CFAP77: variants seen among roughly 807,000 people sequenced by gnomAD.
CFAP77 encodes cilia and flagella associated protein 77.
A neutral mutation model predicts 31.1 loss-of-function variants in CFAP77; 25 were observed. That is an observed-to-expected ratio of 0.80 (90% CI 0.59 to 1.12). The LOEUF (loss-of-function observed/expected upper bound fraction) is 1.12. Ranked by LOEUF, CFAP77 falls within the 50% of genes most tolerant of loss-of-function variation. CFAP77 has a pLI of 0.00. For missense variants in CFAP77, 377 were observed against 397.3 expected, an observed-to-expected ratio of 0.95 and a Z score of 0.44; for synonymous variants, 151 against 159.9, an observed-to-expected ratio of 0.94 and a Z score of 0.42.
chr9:132,506,158 C>T (rs536503268), intron 3 of CFAP77, among the ~76,000 whole-genome samples: 36 of 152,262 alleles, frequency 2.4e-4, no homozygotes, highest in South Asian at 4.2e-4. Flanking sequence ...GAAAGAGCCC[C>T]GGCATTCTCT....
At chr9:132,416,512 G>A (rs999693644) in intron 1 of CFAP77, among the ~76,000 whole-genome samples, 4 of 151,192 alleles carry the variant, frequency 2.6e-5, no homozygotes, top group Admixed American at 6.6e-5. Flanking sequence ...AGCTAATTTT[G>A]TAAGTTTTTT....
At chr9:132,449,522 C>T (rs1201485170) in intron 1 of CFAP77, among the ~76,000 whole-genome samples, 2 of 152,012 alleles carry the variant, frequency 1.3e-5, no homozygotes, top group East Asian at 3.9e-4. Flanking sequence ...GTACTTCATT[C>T]CTTTTCATTG....
chr9:132,421,068 T>C lies in CFAP77; in HGVS notation c.195+10602T>C, dbSNP rs190756787. ...TGTCACCCAGGCTGGAGTGCAGTGG[T>C]GTGATCTCGGCTCACTGCAACCTCC... On this transcript the variant is annotated intron_variant, in intron 1 of 5. Transcript: ENST00000393216. Among the ~76,000 whole-genome samples the C allele has an allele frequency of 5.2e-3, 755 of 144,688 alleles. 5 individuals are homozygous for C. Among genetic ancestry groups the C allele is most frequent in the African/African-American group, 0.017 (673 of 39,424 alleles). The allele number at this position is 144,688 out of a possible 152,430, so 94.9% of individuals were successfully genotyped here. A position where few individuals can be genotyped will look rare whatever the true frequency, so the allele number is the denominator to read the frequency against.
chr9:132,461,850 T>A (rs1207309797), intron 1 of CFAP77, among the ~76,000 whole-genome samples: 2 of 150,998 alleles, frequency 1.3e-5, no homozygotes, highest in African/African-American at 5.0e-5. Context: ...TGGCTGCGAT[T>A]TCCCCCCGTT....
At chr9:132,456,753 A>C (rs1026894783) in intron 1 of CFAP77, among the ~76,000 whole-genome samples, 5 of 151,970 alleles carry the variant, frequency 3.3e-5, no homozygotes, top group African/African-American at 9.7e-5. Context: ...ATTTAAAAAA[A>C]ATTTTTTTTT....
chr9:132,525,068 G>C (rs1341908726), intron 3 of CFAP77, among the ~76,000 whole-genome samples: 2 of 144,678 alleles, frequency 1.4e-5, no homozygotes, highest in East Asian at 4.1e-4. Context: ...CGCCCAGGTT[G>C]GAGTGCAATG....
At chr9:132,541,648 C>T (rs543793647) in intron 4 of CFAP77, among the ~76,000 whole-genome samples, 5 of 152,152 alleles carry the variant, frequency 3.3e-5, no homozygotes, top group South Asian at 4.2e-4. Flanking sequence ...TGCTTGAACC[C>T]GGGAGCCTAG....
At chr9:132,476,329 G>A (rs140290813) in intron 1 of CFAP77, among the ~76,000 whole-genome samples, 81 of 152,180 alleles carry the variant, frequency 5.3e-4, no homozygotes, top group African/African-American at 1.9e-3. Flanking sequence ...TTCCCCTAGT[G>A]ACCCACCCTC....
intron 1 of CFAP77, among the ~76,000 whole-genome samples, chr9:132,473,674 G>A (rs1462858386): frequency 1.3e-5 from 2 of 152,202 alleles, no homozygotes; most frequent in Middle Eastern, 3.4e-3. Flanking sequence ...CAGAGCTGTC[G>A]CTGACCTTGG....
At chr9:132,474,104 T>C (rs1851307633) in intron 1 of CFAP77, among the ~76,000 whole-genome samples, 1 of 152,202 alleles carries the variant, frequency 6.6e-6, no homozygotes, top group South Asian at 2.1e-4. Flanking sequence ...TCAAAAACTG[T>C]TTTATAGATT....
chr9:132,468,502 G>A (rs1163088846), intron 1 of CFAP77, among the ~76,000 whole-genome samples: 1 of 152,024 alleles, frequency 6.6e-6, no homozygotes, highest in Non-Finnish European at 1.5e-5. Context: ...GGCCCACCTC[G>A]TACTCACCCA....
chr9:132,523,270 G>A (rs1852301486), intron 3 of CFAP77, among the ~76,000 whole-genome samples: 1 of 151,960 alleles, frequency 6.6e-6, no homozygotes, highest in Non-Finnish European at 1.5e-5. Flanking sequence ...GTATTTTTTA[G>A]TAGAGACAGG....
chr9:132,414,542 C>G (rs1331207157), intron 1 of CFAP77, among the ~76,000 whole-genome samples: 1 of 149,844 alleles, frequency 6.7e-6, no homozygotes, highest in Non-Finnish European at 1.5e-5. Flanking sequence ...CACACACACG[C>G]AGGTATGCAC....
chr9:132,466,715 T>A (rs1851156124), intron 1 of CFAP77, among the ~76,000 whole-genome samples: 1 of 152,158 alleles, frequency 6.6e-6, no homozygotes, highest in African/African-American at 2.4e-5. Context: ...TCCAGAAGCC[T>A]GTCTGGCCCC....
chr9:132,501,560 G>A lies in CFAP77; in HGVS notation c.524+1960G>A, dbSNP rs538428263. Reference sequence around the variant, plus strand: ...TGGGACTACAGGCGTGCACCAACACGCCTGGCCAATTTTTGTATTTATAGT... The same window carrying A: ...TGGGACTACAGGCGTGCACCAACACACCTGGCCAATTTTTGTATTTATAGT... On this transcript the variant is annotated intron_variant, in intron 3 of 5. Transcript: ENST00000393216. The surrounding 1 kb of genome is among the most constrained non-coding windows in gnomAD (Gnocchi z 4.6). 3.3e-5 allele frequency among the ~76,000 whole-genome samples: 5 copies of A among 152,170 alleles called. No homozygotes were observed. The highest frequency in any genetic ancestry group is 2.6e-4 in the Admixed American group (4 of 15,286).
chr9:132,414,474 G>A (rs1440382131), intron 1 of CFAP77, among the ~76,000 whole-genome samples: 1 of 150,626 alleles, frequency 6.6e-6, no homozygotes, highest in African/African-American at 2.4e-5. Context: ...TGTAAGGAAA[G>A]CTCTTGGGAA....
chr9:132,469,953 C>A (rs1851223871), intron 1 of CFAP77, among the ~76,000 whole-genome samples: 1 of 151,682 alleles, frequency 6.6e-6, no homozygotes, highest in Non-Finnish European at 1.5e-5. Flanking sequence ...GATTCTCCTG[C>A]CTCAACCTCC....
At chr9:132,431,862 C>T (rs1322768533) in intron 1 of CFAP77, among the ~76,000 whole-genome samples, 2 of 152,186 alleles carry the variant, frequency 1.3e-5, no homozygotes, top group Non-Finnish European at 2.9e-5. Context: ...CCTAGTACAT[C>T]TCAGTGAATC....
intron 1 of CFAP77, among the ~76,000 whole-genome samples, chr9:132,430,967 C>T (rs572666854): frequency 7.9e-5 from 12 of 152,314 alleles, no homozygotes; most frequent in Non-Finnish European, 1.5e-4. Flanking sequence ...TGCTGCACAG[C>T]ATGTCTACAG....
Sources: gnomAD v4.1 joint callset for allele counts (sites outside exome capture counted in the v4.1 genomes callset) on GRCh38, gnomAD v4.1.1 for gene constraint, Gnocchi (gnomAD v3.1) non-coding constraint, MANE v1.5 for transcripts, NCBI Gene and HGNC (gene_info 2026-07-23, HGNC 2026-07-21) for gene names.